The following PDE7B variants were observed in gnomAD, a reference collection of about 807,000 sequenced individuals.
PDE7B encodes 3',5'-cyclic-AMP phosphodiesterase 7B.
A neutral mutation model predicts 56.2 loss-of-function variants in PDE7B; 29 were observed. The observed-to-expected ratio is 0.52, with a 90% CI of 0.38 to 0.70. The LOEUF is 0.70. Ranked by LOEUF, PDE7B falls within the 30% of genes least tolerant of loss-of-function variation. PDE7B has a pLI of 0.00. For missense variants in PDE7B, 490 were observed against 565.0 expected, an observed-to-expected ratio of 0.87 and a Z score of 1.35; for synonymous variants, 197 against 196.9, an observed-to-expected ratio of 1.00 and a Z score of 0.00.
At chr6:135,856,635 G>A (rs936204469) in intron 1 of PDE7B, among the ~76,000 whole-genome samples, 4 of 152,180 alleles carry the variant, frequency 2.6e-5, no homozygotes, top group East Asian at 3.9e-4. Flanking sequence ...GGGATTCTGC[G>A]TGGCTCAGAG....
intron 2 of PDE7B, among the ~76,000 whole-genome samples, chr6:136,108,190 G>A (rs1480688087): frequency 6.7e-6 from 1 of 148,286 alleles, no homozygotes; most frequent in Non-Finnish European, 1.5e-5. Flanking sequence ...AAATAAATAA[G>A]TACTAGAAAC....
intron 1 of PDE7B, among the ~76,000 whole-genome samples, chr6:135,936,426 C>T (rs1302540180): frequency 6.6e-6 from 1 of 152,160 alleles, no homozygotes; most frequent in Non-Finnish European, 1.5e-5. Context: ...AAAGCTTGGA[C>T]ACATCGACCA....
chr6:135,945,071 T>C (rs2327664), intron 1 of PDE7B, among the ~76,000 whole-genome samples: 1 of 66,280 alleles, frequency 1.5e-5, no homozygotes, highest in Non-Finnish European at 3.6e-5. Flanking sequence ...ACTTTCACTT[T>C]AATCACTTTA....
intron 1 of PDE7B, among the ~76,000 whole-genome samples, chr6:135,852,657 C>T (rs1445516447): frequency 6.6e-6 from 1 of 152,110 alleles, no homozygotes; most frequent in African/African-American, 2.4e-5. Flanking sequence ...AGGAGAGATG[C>T]AAGTACTAAG....
At chr6:136,046,528 C>A (rs913605257) in intron 2 of PDE7B, among the ~76,000 whole-genome samples, 2 of 152,232 alleles carry the variant, frequency 1.3e-5, no homozygotes, top group East Asian at 3.9e-4. Flanking sequence ...TCCCACATAC[C>A]TATCCAATGT....
At chr6:136,080,917 G>A (rs906556532) in intron 2 of PDE7B, among the ~76,000 whole-genome samples, 1 of 152,152 alleles carries the variant, frequency 6.6e-6, no homozygotes, top group African/African-American at 2.4e-5. Context: ...ATGTGGTCTG[G>A]GAAAGCTTCC....
intron 8 of PDE7B, among the ~76,000 whole-genome samples, chr6:136,161,237 C>T (rs1410371994): frequency 6.6e-6 from 1 of 152,168 alleles, no homozygotes; most frequent in African/African-American, 2.4e-5. Flanking sequence ...CAAGCCCCTC[C>T]TATGAGATTT....
At chr6:135,870,174 A>G (rs1184902471) in intron 1 of PDE7B, among the ~76,000 whole-genome samples, 1 of 152,206 alleles carries the variant, frequency 6.6e-6, no homozygotes, top group Non-Finnish European at 1.5e-5. Context: ...CTGAAACACT[A>G]GAGTGGTGGA....
At chr6:135,924,622 T>C (rs935703069) in intron 1 of PDE7B, among the ~76,000 whole-genome samples, 5 of 71,202 alleles carry the variant, frequency 7.0e-5, no homozygotes, top group Admixed American at 1.6e-4. Flanking sequence ...TCTCTCTTTT[T>C]TTTTTTTTTT....
intron 9 of PDE7B, among the ~76,000 whole-genome samples, chr6:136,177,569 A>G (rs1417890571): frequency 6.6e-6 from 1 of 152,222 alleles, no homozygotes; most frequent in African/African-American, 2.4e-5. Context: ...AGTAAACAAA[A>G]TTCATATTAA....
chr6:135,955,965 A>T (rs1285407000), intron 2 of PDE7B, among the ~76,000 whole-genome samples: 1 of 152,198 alleles, frequency 6.6e-6, no homozygotes, highest in Non-Finnish European at 1.5e-5. Context: ...TTTCCACTGC[A>T]GCACAGCTCA....
chr6:136,131,722 C>A (rs1778121993), intron 3 of PDE7B, among the ~76,000 whole-genome samples: 1 of 151,936 alleles, frequency 6.6e-6, no homozygotes, highest in Non-Finnish European at 1.5e-5. Flanking sequence ...ATTTTAAAAC[C>A]CACAAGTGAT....
At chr6:135,957,324 T>G (rs1017495914) in intron 2 of PDE7B, among the ~76,000 whole-genome samples, 1 of 151,892 alleles carries the variant, frequency 6.6e-6, no homozygotes, top group Non-Finnish European at 1.5e-5. Flanking sequence ...TGAATAGAGG[T>G]GTTTAAAAAA....
intron 2 of PDE7B, among the ~76,000 whole-genome samples, chr6:136,081,509 CACAAACATTCCTAAGACAGGAAAAAGAGG>C (rs1471115535): frequency 1.3e-5 from 2 of 152,186 alleles, no homozygotes; most frequent in African/African-American, 4.8e-5. Flanking sequence ...CTGACATACA[CACAAACATTCCTAAGACAGGAAAAAGAGG>C]ACAAACTTTC....
At chr6:135,934,928 TA>T (rs1774379271) in intron 1 of PDE7B, among the ~76,000 whole-genome samples, 2 of 105,148 alleles carry the variant, frequency 1.9e-5, no homozygotes, top group African/African-American at 7.8e-5. Context: ...TTTAAATATA[TA>T]TTTAAATATA....
chr6:136,139,577 G>A (rs1366004159), intron 3 of PDE7B, among the ~76,000 whole-genome samples: 1 of 152,150 alleles, frequency 6.6e-6, no homozygotes, highest in Non-Finnish European at 1.5e-5. Context: ...CTAGTTTACA[G>A]TCCCACCAAC....
intron 2 of PDE7B, among the ~76,000 whole-genome samples, chr6:136,052,893 C>A (rs1344628603): frequency 1.3e-5 from 2 of 152,032 alleles, no homozygotes; most frequent in Admixed American, 6.5e-5. Context: ...ACTCTTCCAT[C>A]CTCATTCCCC....
chr6:136,153,610 G>A (rs571134048), intron 6 of PDE7B, among the ~76,000 whole-genome samples: 13 of 152,210 alleles, frequency 8.5e-5, no homozygotes, highest in African/African-American at 3.1e-4. Context: ...GCTTTCATTG[G>A]TATTTGTTAT....
intron 2 of PDE7B, among the ~76,000 whole-genome samples, chr6:136,100,352 A>G (rs534832639): frequency 1.5e-4 from 23 of 150,800 alleles, no homozygotes; most frequent in Non-Finnish European, 2.6e-4. Context: ...GAATCTATAA[A>G]TTACTTTGGG....
Sources: gnomAD v4.1 joint callset for allele counts (sites outside exome capture counted in the v4.1 genomes callset) on GRCh38, gnomAD v4.1.1 for gene constraint, MANE v1.5 for transcripts, NCBI Gene and HGNC (gene_info 2026-07-23, HGNC 2026-07-21) for gene names.